Variants in UVRAG observed in about 807,000 individuals in gnomAD.
The protein encoded by UVRAG is UV radiation resistance associated, also known as UV radiation resistance-associated gene protein.
In UVRAG, 19 loss-of-function variants were observed where a neutral mutation model predicts 78.0. The observed-to-expected ratio is 0.24, with a 90% CI of 0.17 to 0.36. The LOEUF (loss-of-function observed/expected upper bound fraction) is 0.36, where lower values mean the gene tolerates loss of function less well. Ranked by LOEUF, UVRAG falls within the 10% of genes least tolerant of loss-of-function variation. The pLI is 1.00. For missense variants in UVRAG, 740 were observed against 853.8 expected, an observed-to-expected ratio of 0.87 and a Z score of 1.66; for synonymous variants, 323 against 324.6, an observed-to-expected ratio of 1.00 and a Z score of 0.05.
chr11:75,818,281 C>T (rs1193740076), intron 1 of UVRAG, among the ~76,000 whole-genome samples: 1 of 151,372 alleles, frequency 6.6e-6, no homozygotes, highest in East Asian at 1.9e-4. Flanking sequence ...GTTTCTTTTA[C>T]TCAGTATTGT....
At chr11:75,974,657 C>T (rs1463785145) in intron 7 of UVRAG, among the ~76,000 whole-genome samples, 7 of 152,092 alleles carry the variant, frequency 4.6e-5, no homozygotes, top group South Asian at 2.1e-4. Flanking sequence ...TGAGCCACCG[C>T]GCCCGGCCAA....
intron 6 of UVRAG, among the ~76,000 whole-genome samples, chr11:75,923,003 C>CATATATATATATAT (rs147448761): frequency 1.9e-3 from 257 of 138,712 alleles, no homozygotes; most frequent in African/African-American, 6.6e-3. Context: ...TATATTTTTT[C>CATATATATATATAT]ATATATATAT....
At chr11:76,018,553 C>A (rs545073096) in intron 12 of UVRAG, among the ~76,000 whole-genome samples, 2 of 152,176 alleles carry the variant, frequency 1.3e-5, no homozygotes, top group South Asian at 4.1e-4. Context: ...GGAATACAGG[C>A]ACGCACCAGC....
chr11:75,870,236 T>C (rs1009404723), intron 3 of UVRAG, among the ~76,000 whole-genome samples: 2 of 152,254 alleles, frequency 1.3e-5, no homozygotes, highest in Non-Finnish European at 2.9e-5. Flanking sequence ...AAAGTCTTTG[T>C]AATCAGAAGA....
chr11:75,963,962 G>A (rs1488678914), intron 7 of UVRAG, among the ~76,000 whole-genome samples: 1 of 152,068 alleles, frequency 6.6e-6, no homozygotes, highest in Non-Finnish European at 1.5e-5. Context: ...TGCACAGTTT[G>A]TGTTTCAGAT....
intron 5 of UVRAG, among the ~76,000 whole-genome samples, chr11:75,899,173 C>T (rs1265089395): frequency 6.6e-6 from 1 of 152,146 alleles, no homozygotes; most frequent in African/African-American, 2.4e-5. Context: ...TTTATAATAG[C>T]TGCTTGCTTT....
At chr11:75,876,704 A>T (rs867333870) in intron 3 of UVRAG, among the ~76,000 whole-genome samples, 35 of 151,568 alleles carry the variant, frequency 2.3e-4, no homozygotes, top group African/African-American at 7.5e-4. Flanking sequence ...GGAAAAAAAA[A>T]AAAACTGCCA....
intron 6 of UVRAG, among the ~76,000 whole-genome samples, chr11:75,938,231 A>C (rs562899519): frequency 4.7e-4 from 71 of 152,168 alleles, no homozygotes; most frequent in Non-Finnish European, 5.1e-4. Context: ...TTTCAATGTC[A>C]CTATATGTTC....
chr11:75,933,583 A>G (rs1408395850), intron 6 of UVRAG, among the ~76,000 whole-genome samples: 1 of 152,192 alleles, frequency 6.6e-6, no homozygotes, highest in African/African-American at 2.4e-5. Flanking sequence ...AATGGGAGAA[A>G]ACATTTGCAA....
intron 12 of UVRAG, among the ~76,000 whole-genome samples, chr11:76,057,707 T>C (rs1291969249): frequency 3.3e-5 from 5 of 151,254 alleles, no homozygotes; most frequent in Admixed American, 2.0e-4. Flanking sequence ...AGCAGAAAAA[T>C]GCAAGATGTT....
chr11:75,956,835 G>A (rs550959671), intron 6 of UVRAG, among the ~76,000 whole-genome samples: 1 of 152,204 alleles, frequency 6.6e-6, no homozygotes, highest in South Asian at 2.1e-4. Flanking sequence ...TGATGACTAA[G>A]ACTTTGAGTG....
chr11:75,878,579 C>G (rs1013312140), intron 3 of UVRAG: 1 of 158,634 alleles, frequency 6.3e-6, no homozygotes, highest in Non-Finnish European at 1.4e-5. Context: ...CCATTGAGCA[C>G]TGAGTGAACC....
chr11:75,997,605 A>G (rs1346908934), intron 8 of UVRAG, among the ~76,000 whole-genome samples: 1 of 152,220 alleles, frequency 6.6e-6, no homozygotes, highest in Non-Finnish European at 1.5e-5. Flanking sequence ...GAATGAAACC[A>G]TGGTAATGGT....
rs572933965 is a variant in UVRAG, at chr11:75,815,219, G to A, written c.-189G>A. ...GGAGGGGTTGCACTGCGGTAATATGGCTCTTCCTTAGCCAGCGGCGGCAAC... is the reference window on the plus strand; with the variant it reads ...GGAGGGGTTGCACTGCGGTAATATGACTCTTCCTTAGCCAGCGGCGGCAAC... On this transcript the variant is annotated 5_prime_UTR_variant, in exon 1 of 15. Coordinates refer to ENST00000356136, the MANE Select transcript of UVRAG (RefSeq NM_003369.4). 4.6e-6 allele frequency: 2 copies of A among 437,214 alleles called. No individual in the cohort carries two copies. The highest frequency in any genetic ancestry group is 7.1e-5 in the East Asian group (2 of 28,150). The allele number at this position is 437,214 out of a possible 1,614,324, so 27.1% of individuals were successfully genotyped here. A position where few individuals can be genotyped will look rare whatever the true frequency, so the allele number is the denominator to read the frequency against.
intron 8 of UVRAG, among the ~76,000 whole-genome samples, chr11:75,991,510 G>A (rs987235455): frequency 2.5e-4 from 38 of 152,048 alleles, no homozygotes; most frequent in African/African-American, 8.7e-4. Flanking sequence ...AACTTTATGA[G>A]GTAGATGCTA....
chr11:76,083,499 T>C (rs964044585), intron 13 of UVRAG, among the ~76,000 whole-genome samples: 2 of 152,192 alleles, frequency 1.3e-5, no homozygotes, highest in Non-Finnish European at 2.9e-5. Context: ...CTTTTGGGTA[T>C]TGGGGCATTT....
intron 12 of UVRAG, among the ~76,000 whole-genome samples, chr11:76,065,037 G>C (rs1306642129): frequency 6.6e-6 from 1 of 152,168 alleles, no homozygotes; most frequent in East Asian, 1.9e-4. Context: ...GGAATAGTGA[G>C]GGGAGTTACT....
chr11:76,073,938 A>G (rs1028458312), intron 13 of UVRAG, among the ~76,000 whole-genome samples: 1 of 152,124 alleles, frequency 6.6e-6, no homozygotes, highest in African/African-American at 2.4e-5. Flanking sequence ...ACAATGTGAG[A>G]CTCCAGCTGG....
chr11:75,944,706 T>C (rs532029954), intron 6 of UVRAG, among the ~76,000 whole-genome samples: 3 of 152,280 alleles, frequency 2.0e-5, no homozygotes, highest in South Asian at 2.1e-4. Flanking sequence ...GTGGAACTTA[T>C]AGAGACAGTG....
Sources: allele counts gnomAD v4.1 joint callset (sites outside exome capture counted in the v4.1 genomes callset), GRCh38; gene constraint gnomAD v4.1.1; transcripts MANE v1.5; gene names NCBI Gene and HGNC (gene_info 2026-07-23, HGNC 2026-07-21).